GPR137B: variants seen among roughly 807,000 people sequenced by gnomAD.
GPR137B encodes integral membrane protein GPR137B.
In GPR137B, 42 loss-of-function variants were observed where a neutral mutation model predicts 42.5. That is an observed-to-expected ratio of 0.99 (90% confidence interval 0.77 to 1.28). The LOEUF (loss-of-function observed/expected upper bound fraction) is 1.28, where lower values mean the gene tolerates loss of function less well. Ranked by LOEUF, GPR137B falls within the 50% of genes most tolerant of loss-of-function variation. The probability of loss-of-function intolerance (pLI) is 0.00; values close to 1 mark genes in which losing one functional copy is unlikely to be tolerated. For missense variants in GPR137B, 487 were observed against 493.9 expected, an observed-to-expected ratio of 0.99 and a Z score of 0.13; for synonymous variants, 218 against 209.7, an observed-to-expected ratio of 1.04 and a Z score of -0.34.
chr1:236,166,764 C>T (rs1252487882), intron 1 of GPR137B, among the ~76,000 whole-genome samples: 1 of 152,026 alleles, frequency 6.6e-6, no homozygotes, highest in East Asian at 1.9e-4. Flanking sequence ...GTGGGTGGGG[C>T]ACTTGAGGTC....
intron 5 of GPR137B, among the ~76,000 whole-genome samples, chr1:236,194,610 G>A (rs565103353): frequency 2.6e-5 from 4 of 152,154 alleles, no homozygotes; most frequent in Admixed American, 2.6e-4. Context: ...GCCTGATTTG[G>A]TGTACCATAT....
intron 2 of GPR137B, among the ~76,000 whole-genome samples, chr1:236,170,873 G>A (rs556015031): frequency 2.0e-5 from 3 of 151,856 alleles, no homozygotes; most frequent in Non-Finnish European, 4.4e-5. Context: ...CTACTCAGGA[G>A]GCTGAGTTGG....
chr1:236,175,276 T>C (rs766847867), intron 2 of GPR137B, among the ~76,000 whole-genome samples: 2 of 152,158 alleles, frequency 1.3e-5, no homozygotes, highest in African/African-American at 2.4e-5. Flanking sequence ...TTCATCCTCA[T>C]TGTGTTCATG....
intron 1 of GPR137B, among the ~76,000 whole-genome samples, chr1:236,143,443 C>T (rs1661592525): frequency 6.6e-6 from 1 of 152,260 alleles, no homozygotes; most frequent in South Asian, 2.1e-4. Flanking sequence ...GCACCTAACT[C>T]CCGGCCTGGA....
intron 5 of GPR137B, among the ~76,000 whole-genome samples, chr1:236,197,674 T>G (rs1308383023): frequency 6.6e-6 from 1 of 152,178 alleles, no homozygotes; most frequent in Non-Finnish European, 1.5e-5. Context: ...TTTATTTGTG[T>G]TGTTGAAGAT....
chr1:236,208,370 ATAATT>A lies in GPR137B; in HGVS notation c.*216_*220del. ...AGGGAGCCTTGCTATTTCAGTGGGT[ATAATT>A]TAAACTTTTTAAAGAAAATCTGTAC... On this transcript the variant is annotated 3_prime_UTR_variant, in exon 7 of 7. Coordinates refer to ENST00000366592, the MANE Select transcript of GPR137B (RefSeq NM_003272.4). 8.3e-6 allele frequency: 10 copies of A among 1,200,490 alleles called. No individual in the cohort carries two copies. The highest frequency in any genetic ancestry group is 3.2e-5 in the South Asian group (1 of 30,978). The allele number at this position is 1,200,490 out of a possible 1,614,324, so 74.4% of individuals were successfully genotyped here.
At position 236,155,987 on chromosome 1, in the gene GPR137B, G is replaced by A. The variant is rs988328536; in HGVS notation, c.415-12719G>A. ...CACACACATGCACACACACGCGCGC[G>A]CGCAAACACACATGCATACACCTGA... On this transcript the variant is annotated intron_variant, in intron 1 of 6. Coordinates refer to ENST00000366592, the MANE Select transcript of GPR137B (RefSeq NM_003272.4). The surrounding 1 kb of genome is among the most constrained non-coding windows in gnomAD (Gnocchi z 4.6). 1.3e-4 allele frequency among the ~76,000 whole-genome samples: 20 copies of A among 152,282 alleles called. No homozygotes were observed. The highest frequency in any genetic ancestry group is 2.1e-4 in the South Asian group (1 of 4,822).
At chr1:236,173,060 A>C (rs969035561) in intron 2 of GPR137B, among the ~76,000 whole-genome samples, 2 of 151,104 alleles carry the variant, frequency 1.3e-5, no homozygotes, top group African/African-American at 4.9e-5. Context: ...TGGGAGGCTG[A>C]GGTGGGAGCA....
At chr1:236,207,290 A>T (rs895126141) in intron 6 of GPR137B, 2 of 985,072 alleles carry the variant, frequency 2.0e-6, no homozygotes, top group African/African-American at 3.5e-5. Context: ...CGTAAGCTGG[A>T]AGCAAGCCAA....
intron 2 of GPR137B, among the ~76,000 whole-genome samples, chr1:236,176,880 G>A (rs1405707883): frequency 6.6e-6 from 1 of 152,074 alleles, no homozygotes; most frequent in African/African-American, 2.4e-5. Context: ...TTGATCAGAT[G>A]GTCACCCGTC....
intron 5 of GPR137B, among the ~76,000 whole-genome samples, chr1:236,197,236 G>A (rs1012796260): frequency 2.0e-5 from 3 of 150,638 alleles, no homozygotes; most frequent in African/African-American, 7.3e-5. Context: ...GGGATTAGTT[G>A]TTTTTTTTTC....
Position 236,199,447 on chromosome 1 carries a change from C to T in GPR137B, c.967-5679C>T, listed in dbSNP as rs190764347. 1.6e-4 allele frequency among the ~76,000 whole-genome samples: 25 copies of T among 152,202 alleles called. No individual in the cohort carries two copies. The East Asian group carries it at 3.7e-3, about 22-fold the overall frequency. ...TTCCCTCTTTCACTATCTTTTGGAA[C>T]GGTTTCAGAATAAGATTGGTACCAA... On this transcript the variant is annotated intron_variant, in intron 5 of 6. Transcript: ENST00000366592.
intron 1 of GPR137B, among the ~76,000 whole-genome samples, chr1:236,144,144 G>C (rs1661617623): frequency 6.6e-6 from 1 of 151,932 alleles, no homozygotes; most frequent in African/African-American, 2.4e-5. Flanking sequence ...GGCCGTATGC[G>C]GTGGCGCATG....
At position 236,142,661 on chromosome 1, in the gene GPR137B, C is replaced by A; in HGVS notation, c.39C>A (p.Pro13=). 6.5e-7 allele frequency: 1 copy of A among 1,531,954 alleles called. No homozygotes were observed. The highest frequency in any genetic ancestry group is 2.5e-5 in the East Asian group (1 of 40,546). 94.9% of individuals were successfully genotyped at this position (1,531,954 alleles called of 1,614,324 possible). A position where few individuals can be genotyped will look rare whatever the true frequency, so the allele number is the denominator to read the frequency against. ...GTCCCCGGCCGCGCGGCAGCGCCCCCGGCCCGATGGAGACCCCGCCGTGGG... is the reference window on the plus strand; with the variant it reads ...GTCCCCGGCCGCGCGGCAGCGCCCCAGGCCCGATGGAGACCCCGCCGTGGG... ...PERPRPRGSA[P]GPMETPPWDP... The change falls in exon 1 of 7, where the codon CCC becomes CCA. Residue 13 remains proline (P), a synonymous_variant. Coordinates refer to ENST00000366592, the MANE Select transcript of GPR137B (RefSeq NM_003272.4).
At chr1:236,191,381 T>C (rs1663188734) in intron 5 of GPR137B, among the ~76,000 whole-genome samples, 3 of 152,222 alleles carry the variant, frequency 2.0e-5, no homozygotes, top group Non-Finnish European at 4.4e-5. Flanking sequence ...TTTTGTTCCC[T>C]TGCTGGCGAG....
At chr1:236,172,233 C>G (rs1475615504) in intron 2 of GPR137B, among the ~76,000 whole-genome samples, 1 of 152,184 alleles carries the variant, frequency 6.6e-6, no homozygotes, top group Non-Finnish European at 1.5e-5. Flanking sequence ...CCTCAGTTCT[C>G]TTAAACCAGA....
chr1:236,177,841 C>T (rs985107231), intron 2 of GPR137B, among the ~76,000 whole-genome samples: 2 of 151,968 alleles, frequency 1.3e-5, no homozygotes, highest in African/African-American at 4.8e-5. Context: ...CAGGGGTGAG[C>T]CACTGCACCC....
At chr1:236,149,729 TG>T (rs1322511741) in intron 1 of GPR137B, among the ~76,000 whole-genome samples, 2 of 152,366 alleles carry the variant, frequency 1.3e-5, no homozygotes, top group African/African-American at 4.8e-5. Flanking sequence ...GGGCAAGGAC[TG>T]TGCTCAGCCT....
In GPR137B at chr1:236,155,603, G is replaced by A. The variant is rs576202579; in HGVS notation, c.414+12567G>A. Reference sequence around the variant, plus strand: ...TGACTTATCAATGTGGGGGCTCAGGGCCACCCTGAGTTCTGCCTTCTGGGT... The same window carrying A: ...TGACTTATCAATGTGGGGGCTCAGGACCACCCTGAGTTCTGCCTTCTGGGT... On this transcript the variant is annotated intron_variant, in intron 1 of 6. Transcript: ENST00000366592. The surrounding 1 kb of genome is among the most constrained non-coding windows in gnomAD (Gnocchi z 4.6). Among the ~76,000 whole-genome samples the A allele has an allele frequency of 2.6e-5, 4 of 152,226 alleles. No homozygotes were observed. Among genetic ancestry groups the A allele is most frequent in the South Asian group, 2.1e-4 (1 of 4,808 alleles).
Sources: allele counts gnomAD v4.1 joint callset (sites outside exome capture counted in the v4.1 genomes callset), GRCh38; gene constraint gnomAD v4.1.1; non-coding constraint Gnocchi (gnomAD v3.1); transcripts MANE v1.5; gene names NCBI Gene and HGNC (gene_info 2026-07-23, HGNC 2026-07-21).